The following ASIC3 variants were observed in gnomAD, a reference collection of about 807,000 sequenced individuals.
The protein encoded by ASIC3 is acid sensing ion channel subunit 3.
In ASIC3, 46 loss-of-function variants were observed where a neutral mutation model predicts 58.6. That is an observed-to-expected ratio of 0.79 (90% CI 0.62 to 1.00). The LOEUF (loss-of-function observed/expected upper bound fraction) is 1.00, where lower values mean the gene tolerates loss of function less well. Ranked by LOEUF, ASIC3 falls within the 50% of genes least tolerant of loss-of-function variation. ASIC3 has a pLI of 0.00. For synonymous variants in ASIC3, 336 were observed against 300.2 expected, an observed-to-expected ratio of 1.12 and a Z score of -1.23; for missense variants, 770 against 735.0, an observed-to-expected ratio of 1.05 and a Z score of -0.55.
At chr7:151,050,083 A>G (rs759243836) in intron 1 of ASIC3, 23 bp from the exon 2 acceptor site, 1 of 1,613,650 alleles carries the variant, frequency 6.2e-7, no homozygotes. Context: ...GGAGATGGCC[A>G]TCACCCTGTC....
chr7:151,048,818 G>A lies in ASIC3; in HGVS notation c.-68G>A. On this transcript the variant is annotated 5_prime_UTR_variant, in exon 1 of 11. Transcript: ENST00000349064. ...CCTGAATCCTATCTTAGCCTCCTTA[G>A]CCCCCTGACTGACTCTCTCTCGCTT... The A allele has an allele frequency of 6.6e-7, 1 of 1,504,336 alleles. No homozygotes were observed. Among genetic ancestry groups the A allele is most frequent in the South Asian group, 1.3e-5 (1 of 75,202 alleles). 93.2% of individuals were successfully genotyped at this position (1,504,336 alleles called of 1,614,324 possible).
chr7:151,051,933 G>C (rs1796792120), intron 7 of ASIC3, 32 bp downstream of exon 7: 2 of 1,613,654 alleles, frequency 1.2e-6, no homozygotes, highest in Non-Finnish European at 1.7e-6. Flanking sequence ...GGCTGGGGGG[G>C]TGTGGGCAGG....
At chr7:151,051,141 C>T (rs1250599837) in intron 5 of ASIC3, 31 bp from the exon 6 acceptor site, 4 of 1,599,726 alleles carry the variant, frequency 2.5e-6, no homozygotes, top group Non-Finnish European at 3.4e-6. Context: ...GCTCCGCCCG[C>T]GGGCGTCTGA....
chr7:151,049,527 C>T (rs1236963293), intron 1 of ASIC3, 108 bp downstream of exon 1: 1 of 1,328,458 alleles, frequency 7.5e-7, no homozygotes, highest in Admixed American at 2.5e-5. Flanking sequence ...AGCCAGGGGA[C>T]CTCTTCCTTC....
intron 1 of ASIC3, among the ~76,000 whole-genome samples, chr7:151,049,697 T>C (rs1563317909): frequency 2.0e-5 from 3 of 152,192 alleles, no homozygotes; most frequent in Non-Finnish European, 4.4e-5. Flanking sequence ...GAGGCCCTGC[T>C]CCTGGGGCTG....
Position 151,048,978 on chromosome 7 carries a change from C to T in ASIC3, c.93C>T (p.His31=), listed in dbSNP as rs35681353. Residue 31 remains histidine, a synonymous_variant, in exon 1 of 11, where the codon CAC becomes CAT. Coordinates refer to ENST00000349064, the MANE Select transcript of ASIC3 (RefSeq NM_004769.4). ...ASNCSMHGLG[H]VFGPGSLSLR... is the part of the protein sequence containing the mutation. ...ACTGCTCGATGCACGGGCTGGGCCA[C>T]GTCTTCGGGCCAGGCAGCCTGAGCC... 395 of 1,607,498 alleles carry T rather than the reference C, an allele frequency of 2.5e-4. No homozygotes were observed. The African/African-American group carries it at 4.8e-3, about 20-fold the overall frequency.
In ASIC3 at chr7:151,051,006, C is replaced by G. The variant is rs370877491; in HGVS notation, c.1010-33C>G. On this transcript the variant is annotated intron_variant, in intron 4 of 10. Transcript: ENST00000349064. ...GCGGGCAGGGCCCAGGGAGCTGAGG[C>G]TGCTTCTAAAGCCATCTCCCCGGTA... The G allele has an allele frequency of 2.4e-5, 38 of 1,613,088 alleles. No individual in the cohort carries two copies. In the African/African-American group the frequency reaches 4.4e-4, roughly 19 times the overall value.
rs775594172 is a variant in ASIC3, at chr7:151,050,928, C to G, written c.984C>G (p.Cys328Trp). 6 of 1,613,320 alleles carry G rather than the reference C, an allele frequency of 3.7e-6. No homozygotes were observed. Among genetic ancestry groups the G allele is most frequent in the Admixed American group, 3.3e-5 (2 of 59,994 alleles). ...ACETRYVARK[C>W]GCRMVYMPGD... is the part of the protein sequence containing the mutation. ...AAACCCGCTACGTGGCTCGGAAGTG[C>G]GGCTGCCGAATGGTGTACATGCCAG... The change falls in exon 4 of 11, where the codon TGC (cysteine) becomes TGG (tryptophan). Residue 328 changes from cysteine to tryptophan, a missense_variant. Physicochemically the swap from Cys to Trp is radical, Grantham distance 215. Coordinates refer to ENST00000349064, the MANE Select transcript of ASIC3 (RefSeq NM_004769.4).
rs1472953557 is a variant in ASIC3, at chr7:151,052,196, T to G, written c.1417T>G (p.Trp473Gly). The G allele has an allele frequency of 6.2e-7, 1 of 1,614,036 alleles. No individual in the cohort carries two copies. Among genetic ancestry groups the G allele is most frequent in the East Asian group, 2.2e-5 (1 of 44,868 alleles). Reference sequence around the variant, plus strand: ...CCGAGACAAGGTCCTGGGATATTTCTGGAACCGACAGCACTCCCAAAGGCA... The same window carrying G: ...CCGAGACAAGGTCCTGGGATATTTCGGGAACCGACAGCACTCCCAAAGGCA... The part of the protein sequence containing the change: ...VFRDKVLGYF[W>G]NRQHSQRHSS... The change falls in exon 9 of 11, where the codon TGG becomes GGG. Residue 473 changes from tryptophan (W) to glycine (G), a missense_variant. Physicochemically the swap from Trp to Gly is radical, Grantham distance 184 (BLOSUM62 -2). Coordinates refer to ENST00000349064, the MANE Select transcript of ASIC3 (RefSeq NM_004769.4). This position sits in a 1 kb window ranked among gnomAD's most constrained non-coding sequence, Gnocchi z 5.0.
intron 6 of ASIC3, 28 bp from the exon 7 acceptor site, chr7:151,051,782 C>G (rs10255526): frequency 0.19 from 306,421 of 1,608,774 alleles, 32,911 homozygotes; most frequent in Admixed American, 0.46. Flanking sequence ...GGTGGCCAGC[C>G]CACATTTGAG....
chr7:151,050,476 G>A lies in ASIC3; in HGVS notation c.686-5G>A, dbSNP rs757338644. On this transcript the variant is annotated splice_polypyrimidine_tract_variant and splice_region_variant and intron_variant, in intron 2 of 10. Coordinates refer to ENST00000349064, the MANE Select transcript of ASIC3 (RefSeq NM_004769.4). ...GGTCAGGCCTCACAGGTCCCTCCCC[G>A]ACAGAGGAGACCCCGTTTGAGGTGG... The A allele has an allele frequency of 6.8e-6, 11 of 1,613,306 alleles. No individual in the cohort carries two copies. The highest frequency in any genetic ancestry group is 6.6e-5 in the South Asian group (6 of 91,052).
chr7:151,052,166 G>A lies in ASIC3; in HGVS notation c.1387G>A (p.Val463Met). The part of the protein sequence containing the change: ...ILEILDYLCE[V>M]FRDKVLGYFW... Reference sequence around the variant, plus strand: ...CACCTCCCATCCTGCTTGCCTCCAGGTGTTCCGAGACAAGGTCCTGGGATA... The same window carrying A: ...CACCTCCCATCCTGCTTGCCTCCAGATGTTCCGAGACAAGGTCCTGGGATA... The change falls in exon 9 of 11, where the codon GTG (valine) becomes ATG (methionine). Residue 463 changes from valine to methionine, a missense_variant and splice_region_variant. Val to Met is a conservative substitution (Grantham distance 21, BLOSUM62 1). Coordinates refer to ENST00000349064, the MANE Select transcript of ASIC3 (RefSeq NM_004769.4). The surrounding 1 kb of genome is among the most constrained non-coding windows in gnomAD (Gnocchi z 5.0). 6.2e-7 allele frequency: 1 copy of A among 1,613,994 alleles called. No individual in the cohort carries two copies. Among genetic ancestry groups the A allele is most frequent in the Non-Finnish European group, 8.5e-7 (1 of 1,179,970 alleles).
rs564002499 is a variant in ASIC3, at chr7:151,051,034, C to G, written c.1010-5C>G. 6.8e-6 allele frequency: 11 copies of G among 1,613,296 alleles called. No homozygotes were observed. Among genetic ancestry groups the G allele is most frequent in the Middle Eastern group, 1.7e-4 (1 of 5,934 alleles). On this transcript the variant is annotated splice_polypyrimidine_tract_variant and splice_region_variant and intron_variant, in intron 4 of 10. Transcript: ENST00000349064. ...CTTCTAAAGCCATCTCCCCGGTACC[C>G]GCAGGCGACGTGCCAGTGTGCAGCC... is the stretch of plus-strand genomic sequence containing the variant.
Position 151,048,922 on chromosome 7 carries a change from C to T in ASIC3, c.37C>T (p.Pro13Ser), listed in dbSNP as rs1267573310. ...PTSGPEEARR[P>S]ASDIRVFASN... ...CTCAGGCCCAGAGGAGGCCCGGCGG[C>T]CAGCCTCGGACATCCGCGTGTTCGC... Residue 13 changes from proline (P) to serine (S), a missense_variant, in exon 1 of 11, where the codon CCA becomes TCA. Pro to Ser is a moderately conservative substitution (Grantham distance 74, BLOSUM62 -1). Transcript: ENST00000349064. 3.8e-6 allele frequency: 6 copies of T among 1,563,614 alleles called. No homozygotes were observed. In the East Asian group the frequency reaches 1.4e-4, roughly 35 times the overall value.
chr7:151,048,855 C>G lies in ASIC3; in HGVS notation c.-31C>G. The stretch of plus-strand genomic sequence containing the variant: ...ACTCTCTCTCGCTTCTTCCAAGCCT[C>G]TGTAGCTGGTTCCGCTCCTGGGTTC... On this transcript the variant is annotated 5_prime_UTR_variant, in exon 1 of 11. Transcript: ENST00000349064. 6.5e-7 allele frequency: 1 copy of G among 1,529,074 alleles called. No individual in the cohort carries two copies. Among genetic ancestry groups the G allele is most frequent in the South Asian group, 1.3e-5 (1 of 78,660 alleles). 94.7% of individuals were successfully genotyped at this position (1,529,074 alleles called of 1,614,324 possible).
Position 151,048,640 on chromosome 7 carries a change from G to T in ASIC3, c.-246G>T. ...TCTGCTGCGGAGTCCCCAGCCCAGT[G>T]CCTAGCCCAGTGGAGCCACCGCCTG... On this transcript the variant is annotated 5_prime_UTR_variant, in exon 1 of 11. Transcript: ENST00000349064. The T allele has an allele frequency of 3.8e-6, 2 of 529,630 alleles. No homozygotes were observed. Among genetic ancestry groups the T allele is most frequent in the South Asian group, 3.2e-5 (1 of 30,816 alleles). The allele number at this position is 529,630 out of a possible 1,614,324, so 32.8% of individuals were successfully genotyped here. A position where few individuals can be genotyped will look rare whatever the true frequency, so the allele number is the denominator to read the frequency against.
chr7:151,050,691 T>G, intron 3 of ASIC3, 67 bp from the exon 4 acceptor site: 2 of 1,606,180 alleles, frequency 1.2e-6, no homozygotes, highest in South Asian at 2.2e-5. Context: ...CAGACCTGTC[T>G]AGGGGCCTCT....
chr7:151,050,022 C>G, intron 1 of ASIC3, 84 bp from the exon 2 acceptor site: 3 of 1,579,802 alleles, frequency 1.9e-6, no homozygotes, highest in Non-Finnish European at 2.6e-6. Flanking sequence ...AGAAGAGACG[C>G]AAACATACCA....
rs563963132 is a variant in ASIC3, at chr7:151,052,388, C to A, written c.1459-28C>A. On this transcript the variant is annotated intron_variant, in intron 9 of 10. Transcript: ENST00000349064. The surrounding 1 kb of genome is among the most constrained non-coding windows in gnomAD (Gnocchi z 5.0). ...GGTCCCTGGGAGGAGGACCACTCCCCACCTCTGACCCTCTCGTCCTCACAC... is the reference window on the plus strand; with the variant it reads ...GGTCCCTGGGAGGAGGACCACTCCCAACCTCTGACCCTCTCGTCCTCACAC... The A allele has an allele frequency of 1.2e-6, 2 of 1,613,832 alleles. No individual in the cohort carries two copies. Among genetic ancestry groups the A allele is most frequent in the South Asian group, 2.2e-5 (2 of 91,070 alleles).
Sources: allele counts gnomAD v4.1 joint callset (sites outside exome capture counted in the v4.1 genomes callset), GRCh38; gene constraint gnomAD v4.1.1; non-coding constraint Gnocchi (gnomAD v3.1); transcripts MANE v1.5; gene names NCBI Gene and HGNC (gene_info 2026-07-23, HGNC 2026-07-21).